The following LRRC7 variants were observed in gnomAD, a reference collection of about 807,000 sequenced individuals.
LRRC7 encodes leucine-rich repeat-containing protein 7.
LRRC7 carries 23 observed loss-of-function variants against 175.7 expected under a neutral mutation model. The observed-to-expected ratio is 0.13, with a 90% CI of 0.09 to 0.19. LRRC7 has a LOEUF of 0.19. Ranked by LOEUF, LRRC7 falls within the 10% of genes least tolerant of loss-of-function variation. The pLI is 1.00. For synonymous variants in LRRC7, 685 were observed against 680.9 expected, an observed-to-expected ratio of 1.01 and a Z score of -0.09; for missense variants, 1,354 against 1,904.7, an observed-to-expected ratio of 0.71 and a Z score of 5.38.
intron 12 of LRRC7, among the ~76,000 whole-genome samples, 172 bp from the exon 13 acceptor site, chr1:70,012,802 A>G (rs1656630664): frequency 1.3e-5 from 2 of 151,104 alleles, no homozygotes; most frequent in Admixed American, 1.3e-4. Flanking sequence ...ATCTAAAATA[A>G]TATATATAAT....
chr1:69,778,733 C>A (rs1236492996), intron 3 of LRRC7, among the ~76,000 whole-genome samples: 1 of 152,096 alleles, frequency 6.6e-6, no homozygotes, highest in Admixed American at 6.6e-5. Context: ...TACTGATTAG[C>A]ACTACCAGTG....
chr1:69,873,341 G>T (rs1685742213), intron 7 of LRRC7: 4 of 456,968 alleles, frequency 8.8e-6, no homozygotes, highest in South Asian at 6.5e-5. Context: ...TATTTCTACA[G>T]AATTACATTA....
intron 7 of LRRC7, among the ~76,000 whole-genome samples, chr1:69,915,906 G>A (rs1306378766): frequency 6.7e-6 from 1 of 149,774 alleles, no homozygotes; most frequent in Non-Finnish European, 1.5e-5. Flanking sequence ...TCTTATAGAT[G>A]ACAAAACTGA....
chr1:69,825,318 C>T (rs567755473), intron 4 of LRRC7, among the ~76,000 whole-genome samples: 186 of 152,170 alleles, frequency 1.2e-3, no homozygotes, highest in Non-Finnish European at 1.8e-3. Context: ...TAAGTTCAAC[C>T]TTCCTAACCT....
In LRRC7 at chr1:70,038,617, A is replaced by G. The variant is rs564079288; in HGVS notation, c.2793A>G (p.Pro931=). 5.3e-5 allele frequency: 86 copies of G among 1,614,000 alleles called. No homozygotes were observed. The highest frequency in any genetic ancestry group is 4.9e-4 in the Middle Eastern group (3 of 6,082). ...EIPSPFSPGV[P]WEYHDSNPNR... is the part of the protein sequence containing the mutation. Reference sequence around the variant, plus strand: ...CTAGTCCTTTTTCTCCAGGCGTACCATGGGAGTATCATGATTCCAATCCCA... The same window carrying G: ...CTAGTCCTTTTTCTCCAGGCGTACCGTGGGAGTATCATGATTCCAATCCCA... Residue 931 remains proline, a synonymous_variant, in exon 21 of 27, where the codon CCA becomes CCG. Coordinates refer to ENST00000651989, the MANE Select transcript of LRRC7 (RefSeq NM_001370785.2).
At chr1:69,741,350 T>A (rs1262632639) in intron 2 of LRRC7, among the ~76,000 whole-genome samples, 1 of 152,060 alleles carries the variant, frequency 6.6e-6, no homozygotes, top group Non-Finnish European at 1.5e-5. Flanking sequence ...GTTGTTTGTT[T>A]GATTGTTTTT....
chr1:70,055,902 A>G (rs1285076929), intron 23 of LRRC7, among the ~76,000 whole-genome samples: 1 of 152,194 alleles, frequency 6.6e-6, no homozygotes, highest in Non-Finnish European at 1.5e-5. Flanking sequence ...TATTAGAACC[A>G]AAACAATCTT....
intron 1 of LRRC7, among the ~76,000 whole-genome samples, chr1:69,674,994 A>C (rs1659577848): frequency 1.3e-5 from 2 of 152,194 alleles, no homozygotes; most frequent in African/African-American, 2.4e-5. Context: ...TACCATATTT[A>C]ATCCTCACAA....
intron 7 of LRRC7, among the ~76,000 whole-genome samples, chr1:69,868,185 A>G (rs569195645): frequency 6.6e-6 from 1 of 152,132 alleles, no homozygotes; most frequent in Non-Finnish European, 1.5e-5. Context: ...ACAATGCTCA[A>G]AAGATAATAT....
chr1:69,718,114 AAAG>A (rs1269323676), intron 2 of LRRC7, among the ~76,000 whole-genome samples: 1 of 56,968 alleles, frequency 1.8e-5, no homozygotes, highest in East Asian at 4.5e-4. Context: ...AGAGAAAAAG[AAAG>A]AAAGAAAGAA....
intron 8 of LRRC7, among the ~76,000 whole-genome samples, chr1:69,963,320 G>A (rs367966479): frequency 8.6e-4 from 108 of 125,794 alleles, no homozygotes; most frequent in East Asian, 1.4e-3. Context: ...AAAAAAAAAA[G>A]AAAGAAAGAA....
intron 11 of LRRC7, among the ~76,000 whole-genome samples, chr1:69,995,036 A>G (rs968091151): frequency 6.6e-6 from 1 of 152,174 alleles, no homozygotes; most frequent in African/African-American, 2.4e-5. Context: ...ATATGTTACC[A>G]TTACACTATT....
intron 2 of LRRC7, among the ~76,000 whole-genome samples, chr1:69,685,985 G>A (rs1570351366): frequency 6.6e-6 from 1 of 151,064 alleles, no homozygotes; most frequent in East Asian, 1.9e-4. Flanking sequence ...CAGCCAGAGT[G>A]CAATAACACA....
chr1:69,828,532 C>T (rs2101270635), intron 5 of LRRC7, among the ~76,000 whole-genome samples: 1 of 152,080 alleles, frequency 6.6e-6, no homozygotes, highest in African/African-American at 2.4e-5. Flanking sequence ...CTAATTAGCA[C>T]CTTTCCATGT....
intron 1 of LRRC7, among the ~76,000 whole-genome samples, chr1:69,598,686 G>T (rs1341781): frequency 6.6e-6 from 1 of 151,998 alleles, no homozygotes; most frequent in Admixed American, 6.5e-5. Context: ...CAAATATATA[G>T]GCACCATGAT....
At position 69,657,127 on chromosome 1, in the gene LRRC7, T is replaced by A. The variant is rs564785926; in HGVS notation, c.3-21254T>A. ...CTTATATTGTGTGTGTGTGTATGTGTGTGTGTGTGTTACTGGTTACTGACC... is the reference window on the plus strand; with the variant it reads ...CTTATATTGTGTGTGTGTGTATGTGAGTGTGTGTGTTACTGGTTACTGACC... On this transcript the variant is annotated intron_variant, in intron 1 of 26. Coordinates refer to ENST00000651989, the MANE Select transcript of LRRC7 (RefSeq NM_001370785.2). Among the ~76,000 whole-genome samples the A allele has an allele frequency of 5.3e-5, 8 of 151,952 alleles. No homozygotes were observed. The East Asian group carries it at 1.2e-3, about 22-fold the overall frequency.
intron 8 of LRRC7, among the ~76,000 whole-genome samples, chr1:69,978,127 G>A (rs1389791641): frequency 2.0e-5 from 3 of 152,060 alleles, no homozygotes; most frequent in African/African-American, 4.8e-5. Context: ...GTGAAACCCC[G>A]CCTCTACTAA....
In LRRC7 at chr1:69,672,141, T is replaced by C. The variant is rs552382060; in HGVS notation, c.3-6240T>C. On this transcript the variant is annotated intron_variant, in intron 1 of 26. Transcript: ENST00000651989. The stretch of plus-strand genomic sequence containing the variant: ...GTCATTTACATTAGATGAAGGCACT[T>C]TTTGTTGTGTGTGTAGATAGTTGTT... Among the ~76,000 whole-genome samples the C allele has an allele frequency of 3.2e-4, 49 of 152,278 alleles. 1 individual carries two copies. Among genetic ancestry groups the C allele is most frequent in the Admixed American group, 1.2e-3 (19 of 15,298 alleles).
At chr1:69,747,052 A>G (rs964552533) in intron 2 of LRRC7, among the ~76,000 whole-genome samples, 5 of 152,076 alleles carry the variant, frequency 3.3e-5, no homozygotes, top group South Asian at 4.2e-4. Context: ...CACAAGGCCT[A>G]CTTTTTAGAA....
Sources: allele counts gnomAD v4.1 joint callset (sites outside exome capture counted in the v4.1 genomes callset), GRCh38; gene constraint gnomAD v4.1.1; transcripts MANE v1.5; gene names NCBI Gene and HGNC (gene_info 2026-07-23, HGNC 2026-07-21).